GABRB2: variants seen among roughly 807,000 people sequenced by gnomAD.
GABRB2 encodes the protein gamma-aminobutyric acid type A receptor subunit beta2.
In GABRB2, 16 loss-of-function variants were observed where a neutral mutation model predicts 54.7. The observed-to-expected ratio is 0.29, with a 90% CI of 0.20 to 0.44. The LOEUF (loss-of-function observed/expected upper bound fraction) is 0.44. GABRB2 is among the 20% of genes least tolerant of loss of function. The pLI is 1.00. For synonymous variants in GABRB2, 244 were observed against 233.8 expected, an observed-to-expected ratio of 1.04 and a Z score of -0.40; for missense variants, 355 against 644.0, an observed-to-expected ratio of 0.55 and a Z score of 4.86.
intron 7 of GABRB2, among the ~76,000 whole-genome samples, chr5:161,333,805 T>A (rs932315011): frequency 6.6e-6 from 1 of 152,216 alleles, no homozygotes; most frequent in African/African-American, 2.4e-5. Flanking sequence ...CAAGTCTTAG[T>A]TCCAATGACA....
chr5:161,475,187 C>T (rs1380248751), intron 3 of GABRB2, among the ~76,000 whole-genome samples: 1 of 152,000 alleles, frequency 6.6e-6, no homozygotes, highest in Non-Finnish European at 1.5e-5. Flanking sequence ...AGAATTACTA[C>T]TACCTCTGTA....
chr5:161,485,289 A>G (rs187377304), intron 3 of GABRB2, among the ~76,000 whole-genome samples: 3 of 151,948 alleles, frequency 2.0e-5, no homozygotes, highest in African/African-American at 7.2e-5. Context: ...CTAATTTGCT[A>G]TTTCCCCCAG....
At position 161,546,392 on chromosome 5, in the gene GABRB2, C is replaced by T; in HGVS notation, c.99G>A (p.Met33Ile). ...TATCCACCGTCTCTTTAACCAGCGA[C>T]ATATTACTAGGGTCATTGACACTAA... ...CAQSVNDPSN[M>I]SLVKETVDRL... Residue 33 changes from methionine to isoleucine, a missense_variant, in exon 2 of 10, where the codon ATG becomes ATA. This residue lies in a region of GABRB2 where 42 missense variants were observed against 43.0 expected (regional missense o/e 0.98). Coordinates refer to ENST00000393959, the MANE Select transcript of GABRB2 (RefSeq NM_001371727.1). 6.2e-7 allele frequency: 1 copy of T among 1,614,056 alleles called. No individual in the cohort carries two copies. The highest frequency in any genetic ancestry group is 1.1e-5 in the South Asian group (1 of 91,084).
chr5:161,339,146 C>G (rs367860458), intron 5 of GABRB2, among the ~76,000 whole-genome samples: 37 of 152,010 alleles, frequency 2.4e-4, no homozygotes, highest in African/African-American at 8.7e-4. Context: ...GACTACAGCT[C>G]CTAGAACTGA....
At chr5:161,509,730 T>A (rs939065887) in intron 3 of GABRB2, among the ~76,000 whole-genome samples, 1 of 151,928 alleles carries the variant, frequency 6.6e-6, no homozygotes, top group Non-Finnish European at 1.5e-5. Context: ...GAACAAACAG[T>A]GGCTCCATAC....
intron 4 of GABRB2, among the ~76,000 whole-genome samples, chr5:161,453,706 G>C (rs955494471): frequency 6.6e-6 from 1 of 151,938 alleles, no homozygotes; most frequent in Non-Finnish European, 1.5e-5. Context: ...AATATTCTTT[G>C]GTCACAAACT....
chr5:161,316,232 G>T (rs1021926530), intron 9 of GABRB2, among the ~76,000 whole-genome samples: 1 of 152,176 alleles, frequency 6.6e-6, no homozygotes, highest in South Asian at 2.1e-4. Context: ...CCTCAGAGTT[G>T]AGACCTGAAG....
At chr5:161,440,788 A>G (rs992851655) in intron 4 of GABRB2, among the ~76,000 whole-genome samples, 2 of 152,208 alleles carry the variant, frequency 1.3e-5, no homozygotes, top group African/African-American at 4.8e-5. Context: ...CAAATGGAGC[A>G]GAATAGAGGC....
chr5:161,351,900 T>C (rs903304835), intron 5 of GABRB2, among the ~76,000 whole-genome samples: 1 of 151,994 alleles, frequency 6.6e-6, no homozygotes. Flanking sequence ...ATAACCTAAA[T>C]AGACATTTCT....
intron 5 of GABRB2, among the ~76,000 whole-genome samples, chr5:161,369,812 G>C (rs1027328015): frequency 1.3e-5 from 2 of 152,088 alleles, no homozygotes; most frequent in African/African-American, 4.8e-5. Flanking sequence ...CCTCTTATCT[G>C]TCTTTCTTCA....
rs114733139 is a variant in GABRB2 at position 161,420,671 on chromosome 5, G to A, written c.459-9614C>T. ...CTTCAGAAATGGAAGGCTGCAGAGC[G>A]GGTGGCAACCTGGGGATTCTATCTC... is the stretch of plus-strand genomic sequence containing the variant. On this transcript the variant is annotated intron_variant, in intron 4 of 9. Transcript: ENST00000393959. 4.2e-3 allele frequency among the ~76,000 whole-genome samples: 638 copies of A among 152,336 alleles called. 2 individuals carry two copies. Among genetic ancestry groups the A allele is most frequent in the African/African-American group, 6.5e-3 (270 of 41,576 alleles).
chr5:161,296,888 T>A (rs1443184494), intron 9 of GABRB2, among the ~76,000 whole-genome samples: 1 of 152,162 alleles, frequency 6.6e-6, no homozygotes, highest in African/African-American at 2.4e-5. Context: ...GTTTCTTCTG[T>A]GGACTAAGAA....
intron 9 of GABRB2, among the ~76,000 whole-genome samples, chr5:161,300,194 G>A (rs964277320): frequency 6.6e-6 from 1 of 152,130 alleles, no homozygotes; most frequent in Non-Finnish European, 1.5e-5. Context: ...AAGCCTGCAC[G>A]TAAACTACCC....
At chr5:161,456,851 T>C (rs1485539743) in intron 4 of GABRB2, among the ~76,000 whole-genome samples, 2 of 152,070 alleles carry the variant, frequency 1.3e-5, no homozygotes, top group Non-Finnish European at 2.9e-5. Context: ...CAATAGAAAA[T>C]TACTGGCTGG....
At chr5:161,349,213 T>C (rs1754398823) in intron 5 of GABRB2, among the ~76,000 whole-genome samples, 1 of 151,982 alleles carries the variant, frequency 6.6e-6, no homozygotes, top group African/African-American at 2.4e-5. Flanking sequence ...CTACCAATTA[T>C]ATTCCTGGCT....
intron 5 of GABRB2, among the ~76,000 whole-genome samples, chr5:161,400,960 G>T (rs1438636226): frequency 1.3e-5 from 2 of 152,054 alleles, no homozygotes; most frequent in Non-Finnish European, 1.5e-5. Context: ...TGTAATAGGG[G>T]GTGTAGGGGG....
intron 3 of GABRB2, among the ~76,000 whole-genome samples, chr5:161,482,949 A>G (rs1177601417): frequency 6.6e-6 from 1 of 152,052 alleles, no homozygotes; most frequent in Non-Finnish European, 1.5e-5. Flanking sequence ...CCACACAATG[A>G]TAGTTCCACT....
intron 3 of GABRB2, among the ~76,000 whole-genome samples, chr5:161,494,835 G>A (rs894477203): frequency 3.3e-5 from 5 of 151,734 alleles, no homozygotes; most frequent in Non-Finnish European, 7.4e-5. Flanking sequence ...CAGTAAGGAA[G>A]CATTTCATCA....
rs1753946910 is a variant in GABRB2, at chr5:161,334,890, A to G, written c.694T>C (p.Leu232=). 6.2e-7 allele frequency: 1 copy of G among 1,613,826 alleles called. No individual in the cohort carries two copies. The highest frequency in any genetic ancestry group is 2.2e-5 in the East Asian group (1 of 44,882). The change falls in exon 7 of 10, where the codon TTA becomes CTA. Residue 232 remains leucine (L), a synonymous_variant. Transcript: ENST00000393959. ...VVFSTGSYPR[L]SLSFKLKRNI... ...CTCTTAAGCTTAAAGCTGAGGGATA[A>G]CCTGGGATAGGAACCTAGAAAGGCA...
Sources: gnomAD v4.1 joint callset for allele counts (sites outside exome capture counted in the v4.1 genomes callset) on GRCh38, gnomAD v4.1.1 for gene constraint, gnomAD v4.1.1 regional missense constraint, MANE v1.5 for transcripts, NCBI Gene and HGNC (gene_info 2026-07-23, HGNC 2026-07-21) for gene names.